Variants in JARID2 observed in about 807,000 individuals in gnomAD.
The protein encoded by JARID2 is protein Jumonji.
JARID2 carries 21 observed loss-of-function variants against 125.6 expected under a neutral mutation model. That is an observed-to-expected ratio of 0.17 (90% CI 0.12 to 0.24). The LOEUF (loss-of-function observed/expected upper bound fraction) is 0.24. Among genes scored for constraint, JARID2 ranks in the 10% least tolerant of loss-of-function variants. The probability of loss-of-function intolerance (pLI) is 1.00; values close to 1 mark genes in which losing one functional copy is unlikely to be tolerated. For synonymous variants in JARID2, 736 were observed against 661.6 expected, an observed-to-expected ratio of 1.11 and a Z score of -1.73; for missense variants, 1,303 against 1,639.6, an observed-to-expected ratio of 0.79 and a Z score of 3.55.
intron 1 of JARID2, among the ~76,000 whole-genome samples, chr6:15,330,126 C>T (rs1314320503): frequency 6.6e-6 from 1 of 152,198 alleles, no homozygotes; most frequent in East Asian, 1.9e-4. Flanking sequence ...TTCCTTTCCT[C>T]TTTGATTTCA....
At chr6:15,422,773 T>A (rs1766556001) in intron 3 of JARID2, among the ~76,000 whole-genome samples, 1 of 152,108 alleles carries the variant, frequency 6.6e-6, no homozygotes, top group Non-Finnish European at 1.5e-5. Context: ...GCTTCCCCGC[T>A]CCCCCTCCCT....
At chr6:15,443,177 T>G (rs1767520247) in intron 3 of JARID2, among the ~76,000 whole-genome samples, 1 of 152,164 alleles carries the variant, frequency 6.6e-6, no homozygotes. Context: ...AAGAATGGTG[T>G]CTTCCTGATG....
chr6:15,355,283 C>G (rs1763559812), intron 1 of JARID2, among the ~76,000 whole-genome samples: 1 of 152,104 alleles, frequency 6.6e-6, no homozygotes, highest in Non-Finnish European at 1.5e-5. Context: ...TCAAAAAATG[C>G]AAGCTGATAT....
At chr6:15,335,424 C>T (rs1222880464) in intron 1 of JARID2, among the ~76,000 whole-genome samples, 1 of 152,158 alleles carries the variant, frequency 6.6e-6, no homozygotes, top group Non-Finnish European at 1.5e-5. Context: ...TTCACTTGAC[C>T]ATGTTAGGTA....
At chr6:15,430,664 T>C (rs1221955853) in intron 3 of JARID2, among the ~76,000 whole-genome samples, 2 of 152,138 alleles carry the variant, frequency 1.3e-5, no homozygotes, top group African/African-American at 4.8e-5. Flanking sequence ...TTATTGATAA[T>C]CTGGTGATGA....
At chr6:15,306,328 C>CT (rs398000594) in intron 1 of JARID2, among the ~76,000 whole-genome samples, 4,913 of 99,068 alleles carry the variant, frequency 0.05, 162 homozygotes, top group East Asian at 0.092. Flanking sequence ...AGTCATATTT[C>CT]TTTTTTTTTT....
chr6:15,494,217 A>G (rs998122619), intron 6 of JARID2, among the ~76,000 whole-genome samples: 1 of 152,056 alleles, frequency 6.6e-6, no homozygotes. Context: ...AACTTCACTG[A>G]TACTTCATTC....
chr6:15,312,705 T>C (rs1326725493), intron 1 of JARID2, among the ~76,000 whole-genome samples: 2 of 152,232 alleles, frequency 1.3e-5, no homozygotes, highest in Non-Finnish European at 2.9e-5. Context: ...TCTTTCTGTC[T>C]TTCTGTGTTC....
intron 1 of JARID2, among the ~76,000 whole-genome samples, chr6:15,325,355 C>T (rs1402072242): frequency 6.6e-6 from 1 of 151,944 alleles, no homozygotes. Flanking sequence ...TCCTTTTTTT[C>T]CCCCTATTTA....
intron 7 of JARID2, among the ~76,000 whole-genome samples, chr6:15,497,402 T>C (rs901335241): frequency 3.3e-5 from 5 of 151,916 alleles, no homozygotes. Flanking sequence ...TGGCTCACGC[T>C]TGTAATCCCA....
intron 5 of JARID2, among the ~76,000 whole-genome samples, chr6:15,470,176 CA>C (rs34467447): frequency 2.4e-3 from 311 of 128,844 alleles, no homozygotes; most frequent in Non-Finnish European, 3.2e-3. Context: ...GACTCTGTCT[CA>C]AAAAAAAAAA....
intron 1 of JARID2, among the ~76,000 whole-genome samples, chr6:15,345,416 T>C (rs1162026951): frequency 6.6e-6 from 1 of 152,208 alleles, no homozygotes; most frequent in African/African-American, 2.4e-5. Flanking sequence ...AATTTATTTG[T>C]CCTCTAATTG....
At chr6:15,295,022 T>G (rs1267071451) in intron 1 of JARID2, among the ~76,000 whole-genome samples, 1 of 152,148 alleles carries the variant, frequency 6.6e-6, no homozygotes, top group Non-Finnish European at 1.5e-5. Context: ...TGAGAGCGAT[T>G]AGAAACTGCC....
Position 15,517,151 on chromosome 6 carries a change from T to C in JARID2, c.3451-10T>C. ...CTCCTGACCTTCGGGTGTCCTGCTCTTGCTTGCAGGTGGTACAAGAGAACG... is the reference window on the plus strand; with the variant it reads ...CTCCTGACCTTCGGGTGTCCTGCTCCTGCTTGCAGGTGGTACAAGAGAACG... On this transcript the variant is annotated splice_polypyrimidine_tract_variant and intron_variant, in intron 16 of 17. Coordinates refer to ENST00000341776, the MANE Select transcript of JARID2 (RefSeq NM_004973.4). 6.2e-7 allele frequency: 1 copy of C among 1,606,226 alleles called. No homozygotes were observed. Among genetic ancestry groups the C allele is most frequent in the Non-Finnish European group, 8.5e-7 (1 of 1,172,850 alleles).
At chr6:15,499,397 G>A (rs1482250223) in intron 7 of JARID2, among the ~76,000 whole-genome samples, 2 of 152,204 alleles carry the variant, frequency 1.3e-5, no homozygotes, top group Admixed American at 1.3e-4. Context: ...AGCGGATGAG[G>A]ATTCCATGAA....
In JARID2 at chr6:15,485,380, G is replaced by A. The variant is rs572253225; in HGVS notation, c.671-1927G>A. On this transcript the variant is annotated intron_variant, in intron 5 of 17. Transcript: ENST00000341776. ...AGGAAACTTAGAAGATTATTTTACC[G>A]TTTGAAAGCATGGGTGGTGGAATGG... Among the ~76,000 whole-genome samples, 7 of 152,288 alleles carry A rather than the reference G, an allele frequency of 4.6e-5. No individual in the cohort carries two copies. In the East Asian group the frequency reaches 5.8e-4, roughly 13 times the overall value.
At position 15,504,514 on chromosome 6, in the gene JARID2, T is replaced by G. The variant is rs773908030; in HGVS notation, c.2463T>G (p.Ser821=). ...HKCIYKGRSV[S]LTTFYRTARN... ...TTTTGTTTCAGGGAAGGTCTGTTTC[T>G]CTAACAACTTTTTATCGAACAGCGA... Residue 821 remains serine (S), a synonymous_variant, in exon 9 of 18, where the codon TCT becomes TCG. Transcript: ENST00000341776. 5 of 1,613,664 alleles carry G rather than the reference T, an allele frequency of 3.1e-6. No individual in the cohort carries two copies. The highest frequency in any genetic ancestry group is 4.2e-6 in the Non-Finnish European group (5 of 1,179,536).
At chr6:15,269,182 C>T (rs1760201130) in intron 1 of JARID2, among the ~76,000 whole-genome samples, 1 of 152,116 alleles carries the variant, frequency 6.6e-6, no homozygotes, top group South Asian at 2.1e-4. Flanking sequence ...TGTCTCCTCC[C>T]AGGCCTCTGT....
At chr6:15,442,469 C>G (rs1054119498) in intron 3 of JARID2, among the ~76,000 whole-genome samples, 5 of 152,234 alleles carry the variant, frequency 3.3e-5, no homozygotes, top group Admixed American at 6.5e-5. Context: ...CTGACTCTTA[C>G]TGTCTTTATG....
Sources: allele counts gnomAD v4.1 joint callset (sites outside exome capture counted in the v4.1 genomes callset), GRCh38; gene constraint gnomAD v4.1.1; transcripts MANE v1.5; gene names NCBI Gene and HGNC (gene_info 2026-07-23, HGNC 2026-07-21).